BIRC3: variants seen among roughly 807,000 people sequenced by gnomAD.
The protein encoded by BIRC3 is baculoviral IAP repeat containing 3.
BIRC3 carries 26 observed loss-of-function variants against 59.0 expected under a neutral mutation model. That is an observed-to-expected ratio of 0.44 (90% confidence interval 0.32 to 0.61). The LOEUF (loss-of-function observed/expected upper bound fraction) is 0.61, where lower values mean the gene tolerates loss of function less well. Among genes scored for constraint, BIRC3 ranks in the 20% least tolerant of loss-of-function variants. BIRC3 has a pLI of 0.04. For synonymous variants in BIRC3, 243 were observed against 249.2 expected, an observed-to-expected ratio of 0.98 and a Z score of 0.24; for missense variants, 641 against 711.5, an observed-to-expected ratio of 0.90 and a Z score of 1.13.
At chr11:102,336,634 TAA>T in intron 7 of BIRC3, 124 bp from the exon 8 acceptor site, 1 of 897,038 alleles carries the variant, frequency 1.1e-6, no homozygotes, top group South Asian at 1.6e-5. Flanking sequence ...ATAAAAAGAT[TAA>T]AGACTTCTGT....
chr11:102,332,917 C>T (rs1311964805), intron 6 of BIRC3, among the ~76,000 whole-genome samples: 1 of 152,186 alleles, frequency 6.6e-6, no homozygotes, highest in Non-Finnish European at 1.5e-5. Context: ...CATCAGCCAA[C>T]AATTGCTCAA....
Position 102,336,148 on chromosome 11 carries a change from G to A in BIRC3, c.1507G>A (p.Gly503Arg). ...RELIDTILVKGNIAATVFRNS... is the reference protein window; with the variant it reads ...RELIDTILVKRNIAATVFRNS... ...ACTGATTGATACGATTTTAGTAAAA[G>A]GAAATATTGCAGCCACTGTATTCAG... The change falls in exon 7 of 9, where the codon GGA becomes AGA. Residue 503 changes from glycine to arginine, a missense_variant. Transcript: ENST00000263464. 6.2e-7 allele frequency: 1 copy of A among 1,613,852 alleles called. No individual in the cohort carries two copies. Among genetic ancestry groups the A allele is most frequent in the Non-Finnish European group, 8.5e-7 (1 of 1,179,898 alleles).
At position 102,323,629 on chromosome 11, in the gene BIRC3, T is replaced by G. The variant is rs894577355; in HGVS notation, c.-881T>G. The G allele has an allele frequency of 2.6e-5, 5 of 193,282 alleles. No individual in the cohort carries two copies. The highest frequency in any genetic ancestry group is 1.2e-4 in the African/African-American group (5 of 43,136). The allele number at this position is 193,282 out of a possible 1,614,324, so 12.0% of individuals were successfully genotyped here. On this transcript the variant is annotated 5_prime_UTR_variant, in exon 2 of 9. The change creates a new upstream start codon in the 5' untranslated region. Coordinates refer to ENST00000263464, the MANE Select transcript of BIRC3 (RefSeq NM_001165.5). Reference sequence around the variant, plus strand: ...GAAATAACTATTATTTAATTAATATTGAAACCAGGTTTTAAGATGTGTTAG... The same window carrying G: ...GAAATAACTATTATTTAATTAATATGGAAACCAGGTTTTAAGATGTGTTAG...
At chr11:102,318,109 A>C (rs1950991355) in intron 1 of BIRC3, among the ~76,000 whole-genome samples, 1 of 152,210 alleles carries the variant, frequency 6.6e-6, no homozygotes, top group African/African-American at 2.4e-5. Flanking sequence ...ATAATATTAA[A>C]TATTGACTTT....
In BIRC3 at chr11:102,328,093, G is replaced by T; in HGVS notation, c.995G>T (p.Arg332Leu). The T allele has an allele frequency of 6.2e-7, 1 of 1,609,144 alleles. No individual in the cohort carries two copies. Among genetic ancestry groups the T allele is most frequent in the Non-Finnish European group, 8.5e-7 (1 of 1,178,504 alleles). ...AGAATTAAAGGACAGGAGTTCATCC[G>T]TCAAGTTCAAGCCAGTTACCCTCAT... ...LIRIKGQEFIRQVQASYPHLL... is the reference protein window; with the variant it reads ...LIRIKGQEFILQVQASYPHLL... The change falls in exon 4 of 9, where the codon CGT becomes CTT. Residue 332 changes from arginine (R) to leucine (L), a missense_variant. By Grantham distance (102) the Arg-to-Leu change is moderately radical (BLOSUM62 -2). Transcript: ENST00000263464.
intron 5 of BIRC3, among the ~76,000 whole-genome samples, chr11:102,330,463 G>A (rs1341891782): frequency 1.3e-5 from 2 of 152,208 alleles, no homozygotes; most frequent in Non-Finnish European, 2.9e-5. Context: ...CAGATTGTAT[G>A]AGACTTTGTA....
In BIRC3 at chr11:102,337,187, T is replaced by A; in HGVS notation, c.*85T>A. 1 of 1,049,024 alleles carries A rather than the reference T, an allele frequency of 9.5e-7. No individual in the cohort carries two copies. The highest frequency in any genetic ancestry group is 1.3e-6 in the Non-Finnish European group (1 of 792,180). The allele number at this position is 1,049,024 out of a possible 1,614,324, so 65.0% of individuals were successfully genotyped here. On this transcript the variant is annotated 3_prime_UTR_variant, in exon 9 of 9. Coordinates refer to ENST00000263464, the MANE Select transcript of BIRC3 (RefSeq NM_001165.5). The stretch of plus-strand genomic sequence containing the variant: ...AACTTTTATCCTAATTTGGTTTCCT[T>A]AAAATTTTTATTTATTTACAACTCA...
chr11:102,337,453 A>G lies in BIRC3; in HGVS notation c.*351A>G, dbSNP rs1951208590. 2.5e-6 allele frequency: 1 copy of G among 399,204 alleles called. No homozygotes were observed. Among genetic ancestry groups the G allele is most frequent in the Non-Finnish European group, 4.4e-6 (1 of 226,806 alleles). The allele number at this position is 399,204 out of a possible 1,614,324, so 24.7% of individuals were successfully genotyped here. ...TTGGCATTGTACTAATACCGGGAAC[A>G]TGAAGCCAGGTGTGGTGGTATGTGC... On this transcript the variant is annotated 3_prime_UTR_variant, in exon 9 of 9. Transcript: ENST00000263464.
chr11:102,321,704 C>T (rs771359321), intron 1 of BIRC3, 133 bp from the exon 2 acceptor site: 1 of 161,120 alleles, frequency 6.2e-6, no homozygotes, highest in Non-Finnish European at 1.4e-5. Flanking sequence ...CCTAGTAAAG[C>T]ACCTGATACA....
chr11:102,336,128 T>A lies in BIRC3; in HGVS notation c.1487T>A (p.Ile496Asn). 1 of 1,613,904 alleles carries A rather than the reference T, an allele frequency of 6.2e-7. No homozygotes were observed. Among genetic ancestry groups the A allele is most frequent in the Non-Finnish European group, 8.5e-7 (1 of 1,179,904 alleles). Residue 496 changes from isoleucine (I) to asparagine (N), a missense_variant, in exon 7 of 9, where the codon ATT (isoleucine) becomes AAT (asparagine). This residue lies in a region of BIRC3 where 268 missense variants were observed against 255.7 expected (regional missense o/e 1.05). Coordinates refer to ENST00000263464, the MANE Select transcript of BIRC3 (RefSeq NM_001165.5). ...TQTSLQAREL[I>N]DTILVKGNIA... ...ACGTCTTTACAAGCAAGAGAACTGA[T>A]TGATACGATTTTAGTAAAAGGAAAT... is the stretch of plus-strand genomic sequence containing the variant.
chr11:102,321,675 CT>C (rs1479269328), intron 1 of BIRC3, among the ~76,000 whole-genome samples, 161 bp from the exon 2 acceptor site: 2 of 152,312 alleles, frequency 1.3e-5, no homozygotes, highest in Non-Finnish European at 2.9e-5. Context: ...TTTTTTATCT[CT>C]TTTTGGCCTC....
chr11:102,336,486 C>T (rs1951197949), intron 7 of BIRC3: 1 of 558,036 alleles, frequency 1.8e-6, no homozygotes, highest in Non-Finnish European at 3.1e-6. Flanking sequence ...CCCAGCTACT[C>T]AAGAGGATGA....
chr11:102,327,877 T>C lies in BIRC3; in HGVS notation c.954-175T>C, dbSNP rs142535770. ...AATCAGTTCCCAGTGGGCTAGGATGTATTTATTCTTCTAACATTAAGTTTA... is the reference window on the plus strand; with the variant it reads ...AATCAGTTCCCAGTGGGCTAGGATGCATTTATTCTTCTAACATTAAGTTTA... On this transcript the variant is annotated intron_variant, in intron 3 of 8. Coordinates refer to ENST00000263464, the MANE Select transcript of BIRC3 (RefSeq NM_001165.5). Among the ~76,000 whole-genome samples, 6 of 152,342 alleles carry C rather than the reference T, an allele frequency of 3.9e-5. No homozygotes were observed. In the East Asian group the frequency reaches 1.2e-3, roughly 29 times the overall value.
intron 1 of BIRC3, among the ~76,000 whole-genome samples, chr11:102,317,950 T>C (rs1005537292): frequency 2.0e-5 from 3 of 152,120 alleles, no homozygotes; most frequent in Non-Finnish European, 4.4e-5. Context: ...AAGTAAAACG[T>C]TTAATGAGCA....
At chr11:102,332,712 CCAGA>C (rs1951156371) in intron 6 of BIRC3, among the ~76,000 whole-genome samples, 1 of 152,168 alleles carries the variant, frequency 6.6e-6, no homozygotes, top group African/African-American at 2.4e-5. Context: ...CTGACCCAAC[CCAGA>C]CAAACCTATC....
chr11:102,331,800 C>T (rs1302401600), intron 6 of BIRC3, among the ~76,000 whole-genome samples: 1 of 152,146 alleles, frequency 6.6e-6, no homozygotes, highest in Non-Finnish European at 1.5e-5. Context: ...GCCACCATGC[C>T]AGGCTAATTT....
chr11:102,327,384 T>C (rs1287945741), intron 3 of BIRC3, among the ~76,000 whole-genome samples: 1 of 152,160 alleles, frequency 6.6e-6, no homozygotes, highest in Non-Finnish European at 1.5e-5. Context: ...CTCATGCCTG[T>C]AATCGCAGCA....
At position 102,337,407 on chromosome 11, in the gene BIRC3, C is replaced by T; in HGVS notation, c.*305C>T. The T allele has an allele frequency of 2.5e-6, 1 of 403,688 alleles. No homozygotes were observed. Among genetic ancestry groups the T allele is most frequent in the Non-Finnish European group, 4.3e-6 (1 of 230,134 alleles). 25.0% of individuals were successfully genotyped at this position (403,688 alleles called of 1,614,324 possible). Reference sequence around the variant, plus strand: ...GTAAAACTTAAGATATTTGAGTTAACCTTTAAGAATTTTAAATATTTTGGC... The same window carrying T: ...GTAAAACTTAAGATATTTGAGTTAATCTTTAAGAATTTTAAATATTTTGGC... On this transcript the variant is annotated 3_prime_UTR_variant, in exon 9 of 9. Coordinates refer to ENST00000263464, the MANE Select transcript of BIRC3 (RefSeq NM_001165.5).
intron 6 of BIRC3, among the ~76,000 whole-genome samples, chr11:102,334,514 C>T (rs909372114): frequency 6.6e-6 from 1 of 151,482 alleles, no homozygotes; most frequent in Non-Finnish European, 1.5e-5. Context: ...ATTTTTTATT[C>T]TTTCTTAAAT....
Sources: allele counts gnomAD v4.1 joint callset (sites outside exome capture counted in the v4.1 genomes callset), GRCh38; gene constraint gnomAD v4.1.1; regional missense constraint gnomAD v4.1.1; transcripts MANE v1.5; gene names NCBI Gene and HGNC (gene_info 2026-07-23, HGNC 2026-07-21).